RPE: variants seen among roughly 807,000 people sequenced by gnomAD.
RPE encodes the protein ribulose-5-phosphate-3-epimerase, also known as ribulose-phosphate 3-epimerase.
RPE carries 16 observed loss-of-function variants against 24.6 expected under a neutral mutation model. The ratio of observed to expected loss-of-function variants is 0.65; its 90% CI spans 0.44 to 0.99. The LOEUF (loss-of-function observed/expected upper bound fraction) is 0.99, where lower values mean the gene tolerates loss of function less well. Ranked by LOEUF, RPE falls within the 50% of genes least tolerant of loss-of-function variation. The pLI is 0.00. For synonymous variants in RPE, 93 were observed against 98.4 expected, an observed-to-expected ratio of 0.94 and a Z score of 0.33; for missense variants, 240 against 294.5, an observed-to-expected ratio of 0.81 and a Z score of 1.35.
intron 1 of RPE, among the ~76,000 whole-genome samples, chr2:210,008,943 G>A (rs971593085): frequency 2.6e-5 from 4 of 152,094 alleles, no homozygotes; most frequent in African/African-American, 9.7e-5. Context: ...TGATCTGCCC[G>A]CCTCAGCCTC....
At chr2:210,011,081 CTG>C (rs781601661) in intron 2 of RPE, among the ~76,000 whole-genome samples, 5 of 152,154 alleles carry the variant, frequency 3.3e-5, no homozygotes, top group South Asian at 2.1e-4. Flanking sequence ...TCTCCAGCCT[CTG>C]TGTAGGATCT....
chr2:210,002,856 T>C, intron 1 of RPE, 73 bp downstream of exon 1: 1 of 1,612,102 alleles, frequency 6.2e-7, no homozygotes, highest in Non-Finnish European at 8.5e-7. Flanking sequence ...GACTGCTTGT[T>C]GGATGTACCG....
intron 1 of RPE, among the ~76,000 whole-genome samples, chr2:210,008,675 C>T (rs1365669099): frequency 3.3e-5 from 5 of 151,440 alleles, no homozygotes; most frequent in African/African-American, 1.2e-4. Flanking sequence ...TACCGTGGGT[C>T]TGGTAGACTT....
chr2:210,013,020 G>C (rs981645182), intron 2 of RPE, among the ~76,000 whole-genome samples: 3 of 152,232 alleles, frequency 2.0e-5, no homozygotes, highest in Non-Finnish European at 4.4e-5. Flanking sequence ...AGTGCACACT[G>C]CAGCTAACCT....
At position 210,017,937 on chromosome 2, in the gene RPE, G is replaced by A. The variant is rs1346991496; in HGVS notation, c.564+378G>A. ...TTTTTTTATTTTTAGTAGAGACAGG[G>A]TTTCACTATGTTGGCCAGGCTGGTC... On this transcript the variant is annotated intron_variant, in intron 5 of 5. Coordinates refer to ENST00000359429, the MANE Select transcript of RPE (RefSeq NM_199229.3). 1.1e-5 allele frequency: 6 copies of A among 552,080 alleles called. No homozygotes were observed. The East Asian group carries it at 2.0e-4, about 18-fold the overall frequency. The allele number at this position is 552,080 out of a possible 1,614,324, so 34.2% of individuals were successfully genotyped here. A position where few individuals can be genotyped will look rare whatever the true frequency, so the allele number is the denominator to read the frequency against.
chr2:210,016,383 C>G, intron 3 of RPE, 124 bp from the exon 4 acceptor site: 2 of 1,565,184 alleles, frequency 1.3e-6, no homozygotes, highest in Non-Finnish European at 1.7e-6. Flanking sequence ...AAAATACTTA[C>G]ATTTAATAGT....
intron 5 of RPE, chr2:210,018,543 G>A (rs2093811232): frequency 2.0e-6 from 2 of 984,844 alleles, no homozygotes; most frequent in Non-Finnish European, 2.4e-6. Flanking sequence ...TTGTATAACT[G>A]CCACACGTTT....
At chr2:210,017,413 C>T in intron 4 of RPE, 60 bp from the exon 5 acceptor site, 1 of 955,426 alleles carries the variant, frequency 1.0e-6, no homozygotes, top group Admixed American at 2.4e-5. Context: ...TGTCCCCCAC[C>T]CCCACCCCCA....
intron 1 of RPE, among the ~76,000 whole-genome samples, chr2:210,007,827 T>A (rs2093650243): frequency 6.6e-6 from 1 of 152,230 alleles, no homozygotes; most frequent in Non-Finnish European, 1.5e-5. Context: ...AAGCCCAGAT[T>A]TCAGTAGCTT....
chr2:210,010,493 G>A lies in RPE; in HGVS notation c.202+757G>A, dbSNP rs560593465. Among the ~76,000 whole-genome samples, 439 of 151,894 alleles carry A rather than the reference G, an allele frequency of 2.9e-3. 1 individual carries two copies. The highest frequency in any genetic ancestry group is 0.01 in the African/African-American group (420 of 41,404). ...TTCCCGGGCTAGTCTCAAACTCCTG[G>A]GCTCAAGCAATCCACCTGCCTTGGC... is the stretch of plus-strand genomic sequence containing the variant. On this transcript the variant is annotated intron_variant, in intron 2 of 5. Coordinates refer to ENST00000359429, the MANE Select transcript of RPE (RefSeq NM_199229.3).
At chr2:210,016,160 G>A in intron 3 of RPE, 48 bp downstream of exon 3, 2 of 1,614,094 alleles carry the variant, frequency 1.2e-6, no homozygotes, top group Non-Finnish European at 8.5e-7. Flanking sequence ...TCTCAGTTGG[G>A]AAGATTTGCG....
At chr2:210,019,015 C>T (rs1466162977) in intron 5 of RPE, among the ~76,000 whole-genome samples, 1 of 152,142 alleles carries the variant, frequency 6.6e-6, no homozygotes, top group East Asian at 1.9e-4. Context: ...GATTGGGTTT[C>T]CATCCTTGAA....
intron 1 of RPE, among the ~76,000 whole-genome samples, chr2:210,004,266 C>T (rs1025436564): frequency 2.6e-5 from 4 of 152,256 alleles, no homozygotes; most frequent in Admixed American, 2.0e-4. Flanking sequence ...GTAATTGTTT[C>T]GGTTCACCAG....
chr2:210,003,762 G>A (rs2093594625), intron 1 of RPE, among the ~76,000 whole-genome samples: 1 of 152,152 alleles, frequency 6.6e-6, no homozygotes, highest in Admixed American at 6.5e-5. Flanking sequence ...CCCTCATTCA[G>A]TTTGCAAATT....
Position 210,019,763 on chromosome 2 carries a change from C to G in RPE, c.659C>G (p.Ala220Gly), listed in dbSNP as rs1255117808. The change falls in exon 6 of 6, where the codon GCT (alanine) becomes GGT (glycine). Residue 220 changes from alanine (A) to glycine (G), a missense_variant. By Grantham distance (60) the Ala-to-Gly change is moderately conservative (BLOSUM62 0). Coordinates refer to ENST00000359429, the MANE Select transcript of RPE (RefSeq NM_199229.3). The part of the protein sequence containing the change: ...INLLRNVCSE[A>G]AQKRSLDR The stretch of plus-strand genomic sequence containing the variant: ...CTATTAAGAAATGTTTGCTCAGAAG[C>G]TGCTCAGAAACGTTCTCTTGATCGG... 6.2e-7 allele frequency: 1 copy of G among 1,613,162 alleles called. No homozygotes were observed.
At chr2:210,012,734 T>A (rs1028172521) in intron 2 of RPE, among the ~76,000 whole-genome samples, 1 of 152,248 alleles carries the variant, frequency 6.6e-6, no homozygotes, top group African/African-American at 2.4e-5. Flanking sequence ...GAAAGATACC[T>A]TGTCAGTTTT....
chr2:210,013,356 CTA>C (rs909488591), intron 2 of RPE, among the ~76,000 whole-genome samples: 8 of 148,628 alleles, frequency 5.4e-5, no homozygotes, highest in African/African-American at 2.0e-4. Flanking sequence ...GTCACCCAGG[CTA>C]GAGTGCAGTG....
In RPE at chr2:210,021,607, C is replaced by G. The variant is rs1264603505; in HGVS notation, c.*1816C>G. ...TCAGTATTGAATTGAATTTTTTACC[C>G]CTTAAAAGGACTAGTATAATTTCCA... is the stretch of plus-strand genomic sequence containing the variant. On this transcript the variant is annotated 3_prime_UTR_variant, in exon 6 of 6. Transcript: ENST00000359429. 1.3e-5 allele frequency: 2 copies of G among 152,368 alleles called. No homozygotes were observed. Among genetic ancestry groups the G allele is most frequent in the Non-Finnish European group, 2.9e-5 (2 of 67,936 alleles). 9.4% of individuals were successfully genotyped at this position (152,368 alleles called of 1,614,324 possible).
At chr2:210,003,313 C>A in intron 1 of RPE, 1 of 418,118 alleles carries the variant, frequency 2.4e-6, no homozygotes, top group Non-Finnish European at 4.2e-6. Context: ...ACCGCTTAGG[C>A]ATCTTGGAAG....
Sources: gnomAD v4.1 joint callset for allele counts (sites outside exome capture counted in the v4.1 genomes callset) on GRCh38, gnomAD v4.1.1 for gene constraint, MANE v1.5 for transcripts, NCBI Gene and HGNC (gene_info 2026-07-23, HGNC 2026-07-21) for gene names.